Variants in SLC39A11 observed in about 807,000 individuals in gnomAD.
SLC39A11 encodes zinc transporter ZIP11.
A neutral mutation model predicts 36.1 loss-of-function variants in SLC39A11; 33 were observed. The observed-to-expected ratio is 0.91, with a 90% CI of 0.69 to 1.22. SLC39A11 has a LOEUF of 1.22. Among genes scored for constraint, SLC39A11 ranks in the 50% most tolerant of loss-of-function variants. The pLI, the probability that SLC39A11 is intolerant of heterozygous loss-of-function variation, is 0.00. For synonymous variants in SLC39A11, 166 were observed against 170.3 expected (o/e 0.97, Z 0.20); for missense variants, 432 against 430.3 (o/e 1.00, Z -0.03).
intron 7 of SLC39A11, among the ~76,000 whole-genome samples, chr17:72,651,086 G>A (rs994130457): frequency 6.6e-6 from 1 of 152,114 alleles, no homozygotes; most frequent in African/African-American, 2.4e-5. Context: ...CCCCCACCTC[G>A]AGTCTGCCAG....
intron 7 of SLC39A11, among the ~76,000 whole-genome samples, chr17:72,694,397 G>A (rs892103974): frequency 1.3e-5 from 2 of 152,214 alleles, no homozygotes; most frequent in Non-Finnish European, 2.9e-5. Context: ...GGTACCCATC[G>A]TGGCTTCCTT....
intron 4 of SLC39A11, among the ~76,000 whole-genome samples, chr17:73,002,595 A>C (rs2089885260): frequency 6.6e-6 from 1 of 152,230 alleles, no homozygotes; most frequent in Non-Finnish European, 1.5e-5. Flanking sequence ...CACAGAGCAG[A>C]GAGCAATGCC....
rs1389459417 is a variant in SLC39A11 at position 72,646,038 on chromosome 17, C to T, written c.*1546G>A. ...AATTTGCATTATGTAGAACTACATA[C>T]AAAGACATAAAAATAAAACATACAT... On this transcript the variant is annotated 3_prime_UTR_variant, in exon 10 of 10. Transcript: ENST00000255559. 1 of 152,636 alleles carries T rather than the reference C, an allele frequency of 6.6e-6. No individual in the cohort carries two copies. Among genetic ancestry groups the T allele is most frequent in the Non-Finnish European group, 1.5e-5 (1 of 68,040 alleles). The allele number at this position is 152,636 out of a possible 1,614,324, so 9.5% of individuals were successfully genotyped here.
chr17:72,969,355 A>G (rs968706705), intron 4 of SLC39A11, among the ~76,000 whole-genome samples: 1 of 151,988 alleles, frequency 6.6e-6, no homozygotes, highest in African/African-American at 2.4e-5. Context: ...TTCAGGGGAG[A>G]GAGGAGAGAG....
chr17:72,954,752 C>G (rs1008885774), intron 4 of SLC39A11, among the ~76,000 whole-genome samples: 3 of 152,184 alleles, frequency 2.0e-5, no homozygotes, highest in Non-Finnish European at 4.4e-5. Context: ...TAACACATGA[C>G]CTTCTCTCCT....
At chr17:72,759,510 T>G (rs1415130838) in intron 6 of SLC39A11, among the ~76,000 whole-genome samples, 1 of 152,206 alleles carries the variant, frequency 6.6e-6, no homozygotes, top group African/African-American at 2.4e-5. Flanking sequence ...GAAAAAGCTT[T>G]TTAAAAGCAG....
intron 3 of SLC39A11, among the ~76,000 whole-genome samples, chr17:73,040,941 C>T (rs942841005): frequency 6.7e-6 from 1 of 148,520 alleles, no homozygotes; most frequent in African/African-American, 2.5e-5. Context: ...GACAAAATCA[C>T]ACCACTGTAC....
chr17:72,878,805 T>G (rs1209883949), intron 5 of SLC39A11, among the ~76,000 whole-genome samples: 2 of 152,220 alleles, frequency 1.3e-5, no homozygotes, highest in Non-Finnish European at 2.9e-5. Context: ...AGACACTATC[T>G]ACCTGGAGGT....
intron 4 of SLC39A11, among the ~76,000 whole-genome samples, chr17:72,948,636 G>A (rs555449349): frequency 6.6e-6 from 1 of 152,326 alleles, no homozygotes; most frequent in African/African-American, 2.4e-5. Flanking sequence ...CACATATTTA[G>A]AGTTAACTCC....
chr17:72,694,465 G>A (rs758575231), intron 7 of SLC39A11, among the ~76,000 whole-genome samples: 29 of 152,186 alleles, frequency 1.9e-4, no homozygotes, highest in Admixed American at 4.6e-4. Context: ...CAGACATCAC[G>A]ATACCCGGAT....
In SLC39A11 at chr17:73,088,725, C is replaced by A. The variant is rs780176910; in HGVS notation, c.40G>T (p.Gly14Trp). 1 of 1,611,830 alleles carries A rather than the reference C, an allele frequency of 6.2e-7. No homozygotes were observed. The highest frequency in any genetic ancestry group is 2.2e-5 in the East Asian group (1 of 44,736). Residue 14 changes from glycine (G) to tryptophan (W), a missense_variant, in exon 2 of 10, where the codon GGG becomes TGG. Transcript: ENST00000255559. The stretch of plus-strand genomic sequence containing the variant: ...GTCATCCCCCAGGTGAAGAAGGTCC[C>A]CAGCAAGGCCTGGAACACAGAGCTG... ...GHSSVFQALL[G>W]TFFTWGMTAA... is the part of the protein sequence containing the mutation.
At chr17:72,711,826 G>A (rs1412939505) in intron 7 of SLC39A11, among the ~76,000 whole-genome samples, 1 of 152,184 alleles carries the variant, frequency 6.6e-6, no homozygotes, top group Non-Finnish European at 1.5e-5. Context: ...ATTCAGAAGT[G>A]TGGCATGTGC....
In SLC39A11 at chr17:72,781,573, G is replaced by T. The variant is rs377628428; in HGVS notation, c.602-44854C>A. Among the ~76,000 whole-genome samples, 13 of 152,092 alleles carry T rather than the reference G, an allele frequency of 8.5e-5. No homozygotes were observed. The East Asian group carries it at 2.5e-3, about 29-fold the overall frequency. The stretch of plus-strand genomic sequence containing the variant: ...CGAGTGGCTGGGATTACAGGCACCC[G>T]CCACCATGCCCAGCTAATTTTTTGT... On this transcript the variant is annotated intron_variant, in intron 6 of 9. Coordinates refer to ENST00000255559, the MANE Select transcript of SLC39A11 (RefSeq NM_139177.4).
intron 6 of SLC39A11, among the ~76,000 whole-genome samples, chr17:72,775,845 T>A (rs2076113974): frequency 2.0e-5 from 3 of 152,340 alleles, no homozygotes; most frequent in Admixed American, 1.3e-4. Context: ...CTCTTACTCT[T>A]CTGCTGCTGA....
intron 1 of SLC39A11, among the ~76,000 whole-genome samples, chr17:73,091,536 T>C (rs954387411): frequency 6.6e-6 from 1 of 152,164 alleles, no homozygotes; most frequent in African/African-American, 2.4e-5. Context: ...CCATGTGGGA[T>C]TGGCAAGAGC....
chr17:73,003,963 G>A (rs937905399), intron 4 of SLC39A11, among the ~76,000 whole-genome samples: 1 of 151,900 alleles, frequency 6.6e-6, no homozygotes, highest in African/African-American at 2.4e-5. Flanking sequence ...GTGCATGCCT[G>A]TAATCCCAGC....
At chr17:72,816,468 G>T (rs1412988565) in intron 6 of SLC39A11, among the ~76,000 whole-genome samples, 3 of 150,676 alleles carry the variant, frequency 2.0e-5, no homozygotes, top group African/African-American at 7.3e-5. Flanking sequence ...TTTAAAAGCT[G>T]TGGCACAACT....
At chr17:73,019,501 A>G (rs998683288) in intron 4 of SLC39A11, among the ~76,000 whole-genome samples, 6 of 152,190 alleles carry the variant, frequency 3.9e-5, no homozygotes, top group Admixed American at 6.6e-5. Flanking sequence ...GTAGACTATG[A>G]TAAGACAATT....
intron 4 of SLC39A11, among the ~76,000 whole-genome samples, chr17:72,989,145 C>A (rs1298541634): frequency 6.6e-6 from 1 of 152,130 alleles, no homozygotes; most frequent in Non-Finnish European, 1.5e-5. Flanking sequence ...AATGGTTATG[C>A]TGGTCAGTTT....
Sources: allele counts gnomAD v4.1 joint callset (sites outside exome capture counted in the v4.1 genomes callset), GRCh38; gene constraint gnomAD v4.1.1; transcripts MANE v1.5; gene names NCBI Gene and HGNC (gene_info 2026-07-23, HGNC 2026-07-21).